Variants in TTC33 observed in about 807,000 individuals in gnomAD.
TTC33 encodes the protein tetratricopeptide repeat protein 33.
Under a neutral mutation model 29.4 loss-of-function variants are expected in TTC33, and 24 were observed. The ratio of observed to expected loss-of-function variants is 0.82; its 90% CI spans 0.59 to 1.15. The LOEUF is 1.15. Ranked by LOEUF, TTC33 falls within the 50% of genes most tolerant of loss-of-function variation. The pLI, the probability that TTC33 is intolerant of heterozygous loss-of-function variation, is 0.00. For missense variants in TTC33, 286 were observed against 310.4 expected (o/e 0.92, Z 0.59); for synonymous variants, 107 against 100.3 (o/e 1.07, Z -0.40).
intron 1 of TTC33, among the ~76,000 whole-genome samples, chr5:40,748,017 G>T (rs1358178632): frequency 1.3e-5 from 2 of 151,996 alleles, no homozygotes; most frequent in Admixed American, 1.3e-4. Context: ...AGTAGAAACG[G>T]GATTTCACCA....
At chr5:40,754,206 A>C (rs1258027649) in intron 1 of TTC33, among the ~76,000 whole-genome samples, 2 of 152,148 alleles carry the variant, frequency 1.3e-5, no homozygotes, top group Non-Finnish European at 2.9e-5. Context: ...AGACCTAGAG[A>C]TCAGGGGCTG....
chr5:40,717,190 T>C (rs977863328), intron 4 of TTC33, among the ~76,000 whole-genome samples: 1 of 145,346 alleles, frequency 6.9e-6, no homozygotes, highest in Admixed American at 7.3e-5. Context: ...GATCACGCCA[T>C]TGCACTCCAG....
rs146001706 is a variant in TTC33, at chr5:40,730,979, A to G, written c.222-636T>C. Among the ~76,000 whole-genome samples the G allele has an allele frequency of 7.8e-3, 1,185 of 152,330 alleles. 12 individuals are homozygous for G. Among genetic ancestry groups the G allele is most frequent in the African/African-American group, 0.026 (1,072 of 41,578 alleles). The stretch of plus-strand genomic sequence containing the variant: ...CCATCATCTACTAAGCTTTAATGAT[A>G]TAACCTCTAAAAGCAGTAACTATAT... On this transcript the variant is annotated intron_variant, in intron 2 of 4. Transcript: ENST00000337702.
chr5:40,726,030 C>T (rs1742277320), intron 4 of TTC33, among the ~76,000 whole-genome samples: 1 of 151,722 alleles, frequency 6.6e-6, no homozygotes, highest in Non-Finnish European at 1.5e-5. Context: ...TGTGATCCGC[C>T]CGCCTCGGCC....
intron 3 of TTC33, among the ~76,000 whole-genome samples, chr5:40,729,793 C>T (rs979556597): frequency 1.3e-5 from 2 of 152,124 alleles, no homozygotes; most frequent in Admixed American, 6.6e-5. Flanking sequence ...CCGCCTCCCA[C>T]GTTCAAGTGG....
chr5:40,730,654 G>A (rs906203350), intron 2 of TTC33, among the ~76,000 whole-genome samples: 8 of 152,034 alleles, frequency 5.3e-5, no homozygotes, highest in Non-Finnish European at 8.8e-5. Flanking sequence ...CTTTCAGGAG[G>A]AGCAGTCATG....
At chr5:40,735,286 T>C (rs1200389455) in intron 2 of TTC33, among the ~76,000 whole-genome samples, 1 of 152,092 alleles carries the variant, frequency 6.6e-6, no homozygotes, top group Non-Finnish European at 1.5e-5. Context: ...GAATAGACAG[T>C]AAGGGTACAA....
chr5:40,731,627 C>A (rs1719760798), intron 2 of TTC33, among the ~76,000 whole-genome samples: 1 of 152,172 alleles, frequency 6.6e-6, no homozygotes, highest in Non-Finnish European at 1.5e-5. Flanking sequence ...TGTCATGAGA[C>A]CAGCATGGCA....
intron 2 of TTC33, among the ~76,000 whole-genome samples, chr5:40,733,141 G>A (rs1460245984): frequency 6.6e-6 from 1 of 152,128 alleles, no homozygotes; most frequent in African/African-American, 2.4e-5. Flanking sequence ...GAAATCCCAA[G>A]ACTAGGGGAA....
At chr5:40,733,968 T>C (rs566797278) in intron 2 of TTC33, among the ~76,000 whole-genome samples, 12 of 152,318 alleles carry the variant, frequency 7.9e-5, no homozygotes, top group Non-Finnish European at 1.3e-4. Flanking sequence ...ATGTCCTCTC[T>C]TCTCAACTGC....
chr5:40,724,175 T>G (rs1341160821), intron 4 of TTC33, among the ~76,000 whole-genome samples: 1 of 152,034 alleles, frequency 6.6e-6, no homozygotes, highest in African/African-American at 2.4e-5. Context: ...ACACACAAAA[T>G]GAAATATTTT....
At chr5:40,734,391 G>A (rs1275036766) in intron 2 of TTC33, among the ~76,000 whole-genome samples, 1 of 152,186 alleles carries the variant, frequency 6.6e-6, no homozygotes, top group Non-Finnish European at 1.5e-5. Flanking sequence ...TTGGTTTAAA[G>A]TCACTGTGGT....
chr5:40,732,731 C>G (rs1278169042), intron 2 of TTC33, among the ~76,000 whole-genome samples: 1 of 152,006 alleles, frequency 6.6e-6, no homozygotes, highest in Non-Finnish European at 1.5e-5. Flanking sequence ...GCCTCAGCCC[C>G]CCGAGTGGCT....
intron 4 of TTC33, among the ~76,000 whole-genome samples, chr5:40,726,806 G>C (rs1742298957): frequency 6.6e-6 from 1 of 152,086 alleles, no homozygotes. Context: ...AAAAGAGATA[G>C]TGATGTATAA....
chr5:40,713,445 C>CA lies in TTC33; in HGVS notation c.*2699dup. Among the ~76,000 whole-genome samples, 1 of 152,254 alleles carries CA rather than the reference C, an allele frequency of 6.6e-6. No individual in the cohort carries two copies. The highest frequency in any genetic ancestry group is 2.1e-4 in the South Asian group (1 of 4,830). On this transcript the variant is annotated 3_prime_UTR_variant, in exon 5 of 5. Transcript: ENST00000337702. The stretch of plus-strand genomic sequence containing the variant: ...ATAGTTTTACCATACGGCATCAATT[C>CA]AAAAGATTGTCATACTGAAACCACT...
chr5:40,716,170 C>T lies in TTC33; in HGVS notation c.764G>A (p.Gly255Asp), dbSNP rs1198961925. Residue 255 changes from glycine to aspartate, a missense_variant, in exon 5 of 5, where the codon GGC (glycine) becomes GAC (aspartate). Gly to Asp is a moderately conservative substitution (Grantham distance 94). Transcript: ENST00000337702. ...TCATCGGGCTTTGATAAAAACAGAG[C>T]CATCTGGTGGTGTAGCACCATCCTC... ...EKEDGATPPD[G>D]SVFIKAR 2 of 1,607,804 alleles carry T rather than the reference C, an allele frequency of 1.2e-6. No individual in the cohort carries two copies. Among genetic ancestry groups the T allele is most frequent in the Non-Finnish European group, 8.5e-7 (1 of 1,175,936 alleles).
At chr5:40,753,400 T>G (rs200270382) in intron 1 of TTC33, among the ~76,000 whole-genome samples, 1 of 145,834 alleles carries the variant, frequency 6.9e-6, no homozygotes, top group African/African-American at 2.5e-5. Context: ...AAGAAAGAAA[T>G]ATACAGGCTG....
chr5:40,733,022 C>T (rs996901307), intron 2 of TTC33, among the ~76,000 whole-genome samples: 2 of 151,306 alleles, frequency 1.3e-5, no homozygotes, highest in Admixed American at 1.3e-4. Context: ...GCTCTTAACA[C>T]ACAGGAAAAA....
intron 2 of TTC33, among the ~76,000 whole-genome samples, chr5:40,744,696 A>G (rs952852337): frequency 1.3e-5 from 2 of 152,130 alleles, no homozygotes; most frequent in Admixed American, 6.5e-5. Context: ...GGTCATACAT[A>G]TGTCTTCTAA....
Sources: gnomAD v4.1 joint callset for allele counts (sites outside exome capture counted in the v4.1 genomes callset) on GRCh38, gnomAD v4.1.1 for gene constraint, MANE v1.5 for transcripts, NCBI Gene and HGNC (gene_info 2026-07-23, HGNC 2026-07-21) for gene names.